Variants in SRPK2 observed in about 807,000 individuals in gnomAD.
The protein encoded by SRPK2 is SRSF protein kinase 2, also known as SFRS protein kinase 2.
In SRPK2, 21 loss-of-function variants were observed where a neutral mutation model predicts 90.8. The ratio of observed to expected loss-of-function variants is 0.23; its 90% CI spans 0.16 to 0.33. The LOEUF (loss-of-function observed/expected upper bound fraction) is 0.33. Among genes scored for constraint, SRPK2 ranks in the 10% least tolerant of loss-of-function variants. SRPK2 has a pLI of 1.00. For synonymous variants in SRPK2, 288 were observed against 311.1 expected, an observed-to-expected ratio of 0.93 and a Z score of 0.78; for missense variants, 620 against 869.0, an observed-to-expected ratio of 0.71 and a Z score of 3.60.
intron 2 of SRPK2, among the ~76,000 whole-genome samples, chr7:105,248,296 T>C (rs774772181): frequency 2.0e-5 from 3 of 152,174 alleles, no homozygotes; most frequent in Admixed American, 6.5e-5. Context: ...TCTCTTCAGA[T>C]AGAAAAGAAC....
At chr7:105,385,202 A>ATT (rs1821414787) in intron 2 of SRPK2, among the ~76,000 whole-genome samples, 1 of 63,150 alleles carries the variant, frequency 1.6e-5, no homozygotes, top group African/African-American at 7.7e-5. Flanking sequence ...TTTTTTTGAG[A>ATT]TGGAGTCTCG....
At chr7:105,138,557 G>C (rs1803232120) in intron 11 of SRPK2, among the ~76,000 whole-genome samples, 1 of 152,200 alleles carries the variant, frequency 6.6e-6, no homozygotes, top group Non-Finnish European at 1.5e-5. Context: ...CCAGCATTTT[G>C]GGAAGCCAAG....
At chr7:105,277,336 A>T (rs1806657597) in intron 2 of SRPK2, among the ~76,000 whole-genome samples, 1 of 152,156 alleles carries the variant, frequency 6.6e-6, no homozygotes, top group Non-Finnish European at 1.5e-5. Context: ...TCAGCCTCCC[A>T]AAGTGCTGGG....
chr7:105,318,589 A>C (rs1812567513), intron 2 of SRPK2, among the ~76,000 whole-genome samples: 1 of 152,244 alleles, frequency 6.6e-6, no homozygotes, highest in African/African-American at 2.4e-5. Flanking sequence ...TCCTTAATAC[A>C]GGCTATTTGG....
At chr7:105,322,220 G>A (rs571057664) in intron 2 of SRPK2, among the ~76,000 whole-genome samples, 5 of 152,268 alleles carry the variant, frequency 3.3e-5, no homozygotes, top group African/African-American at 7.2e-5. Flanking sequence ...TTGGAGACCC[G>A]CCTGGCCAAC....
chr7:105,279,290 T>G (rs1806950610), intron 2 of SRPK2, among the ~76,000 whole-genome samples: 1 of 111,822 alleles, frequency 8.9e-6, no homozygotes, highest in Non-Finnish European at 2.2e-5. Flanking sequence ...GTTAGGTTTC[T>G]GATTTAGATA....
chr7:105,143,492 T>C (rs1804099009), intron 9 of SRPK2, 162 bp from the exon 10 acceptor site: 1 of 907,234 alleles, frequency 1.1e-6, no homozygotes, highest in Non-Finnish European at 1.6e-6. Flanking sequence ...AGGCTTACGA[T>C]AAAATCAAAG....
At chr7:105,119,626 T>G (rs1187818630) in intron 15 of SRPK2, among the ~76,000 whole-genome samples, 1 of 152,164 alleles carries the variant, frequency 6.6e-6, no homozygotes, top group East Asian at 1.9e-4. Context: ...TCTGTGTTGA[T>G]GAAGAAATGA....
intron 2 of SRPK2, chr7:105,297,457 G>C: frequency 1.0e-6 from 1 of 985,242 alleles, no homozygotes. Context: ...AAACACATTG[G>C]CTTTCCCTGA....
intron 3 of SRPK2, among the ~76,000 whole-genome samples, chr7:105,190,248 T>C (rs1010340): frequency 0.48 from 73,492 of 152,028 alleles, 18,379 homozygotes; most frequent in South Asian, 0.53. Context: ...CAAGTATGAC[T>C]GCCCATCTAT....
At chr7:105,248,667 G>A (rs146740169) in intron 2 of SRPK2, among the ~76,000 whole-genome samples, 2 of 152,076 alleles carry the variant, frequency 1.3e-5, no homozygotes, top group East Asian at 1.9e-4. Flanking sequence ...TAGTCCGGGC[G>A]CGATGGCTCA....
intron 3 of SRPK2, among the ~76,000 whole-genome samples, chr7:105,173,133 A>C (rs191960408): frequency 6.6e-6 from 1 of 152,086 alleles, no homozygotes; most frequent in East Asian, 1.9e-4. Flanking sequence ...TTTTTTAAAG[A>C]GATGCGGGCT....
chr7:105,381,206 T>A (rs1820908354), intron 2 of SRPK2, among the ~76,000 whole-genome samples: 1 of 151,680 alleles, frequency 6.6e-6, no homozygotes, highest in Non-Finnish European at 1.5e-5. Context: ...ATCATGCCAC[T>A]GCATTCCTGT....
At chr7:105,392,078 T>C (rs1172357342), upstream of SRPK2, among the ~76,000 whole-genome samples, 1 of 152,194 alleles carries the variant, frequency 6.6e-6, no homozygotes, top group East Asian at 1.9e-4. Context: ...AAAAACATTA[T>C]GCTAAATAAA....
chr7:105,164,148 C>T (rs1808151585), intron 6 of SRPK2, among the ~76,000 whole-genome samples: 1 of 152,160 alleles, frequency 6.6e-6, no homozygotes, highest in Admixed American at 6.5e-5. Context: ...CCAGTCAAAG[C>T]ACTAGTGAAC....
At chr7:105,375,721 C>T (rs535437235) in intron 2 of SRPK2, among the ~76,000 whole-genome samples, 1 of 152,144 alleles carries the variant, frequency 6.6e-6, no homozygotes, top group East Asian at 1.9e-4. Context: ...ATATTTACCA[C>T]AGGTCCACAA....
intron 2 of SRPK2, among the ~76,000 whole-genome samples, chr7:105,245,873 C>CAACTACAG (rs1801592382): frequency 6.6e-6 from 1 of 152,066 alleles, no homozygotes; most frequent in Non-Finnish European, 1.5e-5. Context: ...CACACATCAT[C>CAACTACAG]GCACCCAGCT....
At chr7:105,370,341 C>G (rs1180312198) in intron 2 of SRPK2, among the ~76,000 whole-genome samples, 1 of 152,114 alleles carries the variant, frequency 6.6e-6, no homozygotes, top group Non-Finnish European at 1.5e-5. Context: ...AGAGACACAT[C>G]TAAATTTCAG....
chr7:105,342,252 A>C (rs1488059720), intron 2 of SRPK2, among the ~76,000 whole-genome samples: 1 of 151,600 alleles, frequency 6.6e-6, no homozygotes, highest in Non-Finnish European at 1.5e-5. Context: ...TGAACCCGGG[A>C]AGCAGAGGTT....
Sources: allele counts gnomAD v4.1 joint callset (sites outside exome capture counted in the v4.1 genomes callset), GRCh38; gene constraint gnomAD v4.1.1; transcripts MANE v1.5; gene names NCBI Gene and HGNC (gene_info 2026-07-23, HGNC 2026-07-21).